COMMD10: variants seen among roughly 807,000 people sequenced by gnomAD.
COMMD10 encodes the protein COMM domain containing 10.
In COMMD10, 33 loss-of-function variants were observed where a neutral mutation model predicts 28.9. The observed-to-expected ratio is 1.14, with a 90% CI of 0.87 to 1.53. The LOEUF is 1.53. Ranked by LOEUF, COMMD10 falls within the 40% of genes most tolerant of loss-of-function variation. The pLI is 0.00. For missense variants in COMMD10, 310 were observed against 233.4 expected (o/e 1.33, Z -2.14); for synonymous variants, 110 against 81.7 (o/e 1.35, Z -1.87).
At chr5:116,286,175 CTT>C (rs1161112213) in intron 5 of COMMD10, among the ~76,000 whole-genome samples, 2 of 151,504 alleles carry the variant, frequency 1.3e-5, no homozygotes, top group Admixed American at 6.6e-5. Flanking sequence ...TTTTATAACA[CTT>C]TTTTATTTCT....
intron 4 of COMMD10, among the ~76,000 whole-genome samples, chr5:116,129,720 T>TAC: frequency 1.4e-5 from 1 of 73,346 alleles, no homozygotes; most frequent in South Asian, 4.0e-4. Flanking sequence ...TGTATATATA[T>TAC]ACTATATACT....
At chr5:116,156,535 G>A (rs1752717049) in intron 5 of COMMD10, among the ~76,000 whole-genome samples, 1 of 152,056 alleles carries the variant, frequency 6.6e-6, no homozygotes, top group African/African-American at 2.4e-5. Flanking sequence ...TGGAAAATAT[G>A]CCCTTTAAGC....
chr5:116,237,478 T>C (rs1302764012), intron 5 of COMMD10, among the ~76,000 whole-genome samples: 1 of 152,116 alleles, frequency 6.6e-6, no homozygotes, highest in East Asian at 1.9e-4. Flanking sequence ...AAAAAAATAC[T>C]ACATCAAGCT....
intron 5 of COMMD10, among the ~76,000 whole-genome samples, chr5:116,195,104 A>G (rs1237601446): frequency 1.3e-5 from 2 of 152,218 alleles, no homozygotes; most frequent in African/African-American, 4.8e-5. Context: ...AGCATTCAAC[A>G]AAATCCAGCA....
chr5:116,209,119 A>C (rs1225692067), intron 5 of COMMD10, among the ~76,000 whole-genome samples: 8 of 151,428 alleles, frequency 5.3e-5, no homozygotes, highest in African/African-American at 9.7e-5. Flanking sequence ...GTTTAGATCA[A>C]CTTTTTTTTT....
intron 5 of COMMD10, among the ~76,000 whole-genome samples, chr5:116,165,122 C>T (rs1753047851): frequency 1.3e-5 from 2 of 152,158 alleles, no homozygotes; most frequent in African/African-American, 2.4e-5. Context: ...AAGAGAATCT[C>T]TGAGACTAAG....
At chr5:116,134,282 T>A in intron 5 of COMMD10, 104 bp downstream of exon 5, 2 of 656,284 alleles carry the variant, frequency 3.0e-6, no homozygotes, top group Non-Finnish European at 5.4e-6. Context: ...TAAACATAAT[T>A]CAGTTAAACA....
At chr5:116,251,949 G>A (rs1354099238) in intron 5 of COMMD10, among the ~76,000 whole-genome samples, 5 of 148,498 alleles carry the variant, frequency 3.4e-5, no homozygotes, top group Non-Finnish European at 5.9e-5. Flanking sequence ...ATCCTCTCCA[G>A]CACCTGTTGT....
intron 5 of COMMD10, among the ~76,000 whole-genome samples, chr5:116,195,245 G>A (rs1265885709): frequency 2.0e-5 from 3 of 152,038 alleles, no homozygotes; most frequent in Non-Finnish European, 4.4e-5. Flanking sequence ...TTTCCTCTGA[G>A]AACTGGAACA....
chr5:116,143,984 G>A (rs1431372370), intron 5 of COMMD10, among the ~76,000 whole-genome samples: 1 of 151,852 alleles, frequency 6.6e-6, no homozygotes, highest in Non-Finnish European at 1.5e-5. Flanking sequence ...AACTGTGACA[G>A]GCAGAGAAGT....
intron 5 of COMMD10, among the ~76,000 whole-genome samples, chr5:116,204,158 G>A (rs1197229158): frequency 1.3e-5 from 2 of 152,028 alleles, no homozygotes; most frequent in African/African-American, 4.8e-5. Context: ...ATTACATCAT[G>A]GTAAAGGGAT....
intron 5 of COMMD10, among the ~76,000 whole-genome samples, chr5:116,257,364 G>A (rs1205000385): frequency 6.6e-6 from 1 of 151,726 alleles, no homozygotes; most frequent in Non-Finnish European, 1.5e-5. Context: ...CTGAGTAAAA[G>A]ATGGGCTGCT....
chr5:116,210,475 A>G (rs1748932488), intron 5 of COMMD10, among the ~76,000 whole-genome samples: 1 of 152,076 alleles, frequency 6.6e-6, no homozygotes, highest in Non-Finnish European at 1.5e-5. Flanking sequence ...TGTGAAATAC[A>G]ATCTAAGTAA....
At chr5:116,206,823 A>G (rs1192627468) in intron 5 of COMMD10, among the ~76,000 whole-genome samples, 1 of 152,186 alleles carries the variant, frequency 6.6e-6, no homozygotes, top group Non-Finnish European at 1.5e-5. Flanking sequence ...AAAATCAGAA[A>G]TATATTCCAG....
intron 5 of COMMD10, among the ~76,000 whole-genome samples, chr5:116,254,180 TTC>T (rs997214340): frequency 6.6e-6 from 1 of 152,128 alleles, no homozygotes. Context: ...TATTTGATTC[TTC>T]TCTCTTTTTT....
At chr5:116,115,954 A>G (rs1013014349) in intron 4 of COMMD10, among the ~76,000 whole-genome samples, 4 of 152,206 alleles carry the variant, frequency 2.6e-5, no homozygotes, top group Non-Finnish European at 4.4e-5. Flanking sequence ...GAGTTTTAAA[A>G]TATAAATTCA....
intron 5 of COMMD10, among the ~76,000 whole-genome samples, chr5:116,207,403 A>C (rs574495503): frequency 6.6e-6 from 1 of 152,256 alleles, no homozygotes; most frequent in South Asian, 2.1e-4. Context: ...TACTTTCTGG[A>C]TTCTTCTTTT....
chr5:116,213,809 C>T (rs1260118038), intron 5 of COMMD10, among the ~76,000 whole-genome samples: 1 of 151,828 alleles, frequency 6.6e-6, no homozygotes, highest in Admixed American at 6.6e-5. Context: ...AGTACAAATA[C>T]CATGTTAAGG....
At chr5:116,272,334 ACT>A (rs1483927751) in intron 5 of COMMD10, among the ~76,000 whole-genome samples, 7 of 151,702 alleles carry the variant, frequency 4.6e-5, no homozygotes, top group African/African-American at 1.5e-4. Flanking sequence ...TCCTATTGAA[ACT>A]CTTGTAAAAT....
Sources: gnomAD v4.1 joint callset for allele counts (sites outside exome capture counted in the v4.1 genomes callset) on GRCh38, gnomAD v4.1.1 for gene constraint, MANE v1.5 for transcripts, NCBI Gene and HGNC (gene_info 2026-07-23, HGNC 2026-07-21) for gene names.